The following EIF4G3 variants were observed in gnomAD, a reference collection of about 807,000 sequenced individuals.
EIF4G3 encodes eukaryotic translation initiation factor 4 gamma 3, also known as eIF-4-gamma 3.
In EIF4G3, 34 loss-of-function variants were observed where a neutral mutation model predicts 186.4. The ratio of observed to expected loss-of-function variants is 0.18; its 90% CI spans 0.14 to 0.24. EIF4G3 has a LOEUF of 0.24. Ranked by LOEUF, EIF4G3 falls within the 10% of genes least tolerant of loss-of-function variation. The pLI, the probability that EIF4G3 is intolerant of heterozygous loss-of-function variation, is 1.00. For missense variants in EIF4G3, 1,536 were observed against 1,948.5 expected (o/e 0.79, Z 3.99); for synonymous variants, 673 against 679.5 (o/e 0.99, Z 0.15).
intron 2 of EIF4G3, among the ~76,000 whole-genome samples, chr1:21,114,189 C>G (rs1283062565): frequency 6.6e-6 from 1 of 151,700 alleles, no homozygotes; most frequent in East Asian, 1.9e-4. Context: ...GCTCTGTTGC[C>G]AGGCTGGAGT....
At chr1:20,998,294 C>T (rs1237599149) in intron 6 of EIF4G3, among the ~76,000 whole-genome samples, 1 of 151,518 alleles carries the variant, frequency 6.6e-6, no homozygotes, top group East Asian at 1.9e-4. Flanking sequence ...TAATACAAGG[C>T]ATGTCAAGGC....
intron 5 of EIF4G3, among the ~76,000 whole-genome samples, chr1:21,002,321 T>C (rs2083729909): frequency 1.3e-5 from 2 of 152,238 alleles, no homozygotes; most frequent in Non-Finnish European, 2.9e-5. Context: ...CCACTGGAAT[T>C]TGAGAATTTA....
At chr1:20,965,387 T>C (rs1374671629) in intron 12 of EIF4G3, among the ~76,000 whole-genome samples, 3 of 152,220 alleles carry the variant, frequency 2.0e-5, no homozygotes, top group African/African-American at 7.2e-5. Context: ...CATCCCCATT[T>C]ACATGTGCAG....
chr1:21,087,377 C>T (rs1043737210), intron 3 of EIF4G3, among the ~76,000 whole-genome samples: 1 of 152,190 alleles, frequency 6.6e-6, no homozygotes, highest in Non-Finnish European at 1.5e-5. Context: ...AATCCCAGCA[C>T]TTTCGTAGGC....
intron 16 of EIF4G3, among the ~76,000 whole-genome samples, chr1:20,895,879 T>C (rs1270416774): frequency 6.6e-6 from 1 of 152,218 alleles, no homozygotes; most frequent in East Asian, 1.9e-4. Context: ...ATATTCCTTC[T>C]ATTTATTAAA....
At chr1:20,835,379 T>C (rs187435799) in intron 30 of EIF4G3, among the ~76,000 whole-genome samples, 124 of 151,064 alleles carry the variant, frequency 8.2e-4, no homozygotes, top group African/African-American at 2.7e-3. Context: ...ATAACAAACA[T>C]CTAAACAGAA....
At chr1:20,934,630 T>C (rs1241489125) in intron 14 of EIF4G3, among the ~76,000 whole-genome samples, 1 of 151,854 alleles carries the variant, frequency 6.6e-6, no homozygotes, top group Non-Finnish European at 1.5e-5. Flanking sequence ...AAAATAATGG[T>C]TGGGATGGAC....
chr1:21,054,379 C>G (rs1314329691), intron 3 of EIF4G3, among the ~76,000 whole-genome samples: 10 of 145,408 alleles, frequency 6.9e-5, no homozygotes, highest in African/African-American at 2.5e-4. Context: ...GACCTTTGTT[C>G]ACTTGTTTAT....
chr1:21,056,126 T>C (rs1175048280), intron 3 of EIF4G3, among the ~76,000 whole-genome samples: 1 of 152,166 alleles, frequency 6.6e-6, no homozygotes, highest in Non-Finnish European at 1.5e-5. Flanking sequence ...CAGGGGTATA[T>C]CCCTATGGTA....
At chr1:20,915,507 C>A (rs2093763485) in intron 14 of EIF4G3, among the ~76,000 whole-genome samples, 2 of 149,254 alleles carry the variant, frequency 1.3e-5, no homozygotes, top group South Asian at 2.2e-4. Context: ...TAAAATTGAA[C>A]AATACAGAAA....
Position 21,078,395 on chromosome 1 carries a change from A to G in EIF4G3, c.-196+10743T>C, listed in dbSNP as rs77482137. On this transcript the variant is annotated intron_variant, in intron 3 of 36. Transcript: ENST00000602326. ...CTTTACTCCTATGTGGGAGTTAAAAAAAAATTCATCTCATGTAGGTACAGA... is the reference window on the plus strand; with the variant it reads ...CTTTACTCCTATGTGGGAGTTAAAAGAAAATTCATCTCATGTAGGTACAGA... Among the ~76,000 whole-genome samples the G allele has an allele frequency of 6.0e-3, 921 of 152,344 alleles. 13 individuals carry two copies. Among genetic ancestry groups the G allele is most frequent in the East Asian group, 0.024 (127 of 5,194 alleles).
In EIF4G3 at chr1:20,885,100, G is replaced by A. The variant is rs142050228; in HGVS notation, c.2424+1101C>T. ...GGCTGCCACTGATCTGACAGGAGGCGGAGCTCAGGTGGTAATGCTCTTTTG... is the reference window on the plus strand; with the variant it reads ...GGCTGCCACTGATCTGACAGGAGGCAGAGCTCAGGTGGTAATGCTCTTTTG... On this transcript the variant is annotated intron_variant, in intron 19 of 36. Transcript: ENST00000602326. Among the ~76,000 whole-genome samples the A allele has an allele frequency of 3.2e-3, 488 of 152,284 alleles. 2 individuals are homozygous for A. The highest frequency in any genetic ancestry group is 6.8e-3 in the Middle Eastern group (2 of 294).
intron 4 of EIF4G3, among the ~76,000 whole-genome samples, chr1:21,045,058 T>C (rs1158312732): frequency 6.6e-6 from 1 of 152,044 alleles, no homozygotes; most frequent in Non-Finnish European, 1.5e-5. Flanking sequence ...GGGTCAAGGC[T>C]GCAGTGAGCT....
At chr1:21,059,287 T>C (rs2094753868) in intron 3 of EIF4G3, among the ~76,000 whole-genome samples, 1 of 152,178 alleles carries the variant, frequency 6.6e-6, no homozygotes, top group South Asian at 2.1e-4. Context: ...GCTTTTCTTA[T>C]GTGGGTAATT....
At chr1:20,927,404 C>T (rs1021983201) in intron 14 of EIF4G3, among the ~76,000 whole-genome samples, 1 of 152,220 alleles carries the variant, frequency 6.6e-6, no homozygotes, top group Admixed American at 6.5e-5. Flanking sequence ...CTTGAAACGA[C>T]TATTTCTACA....
intron 6 of EIF4G3, among the ~76,000 whole-genome samples, chr1:20,998,618 C>T (rs1298183032): frequency 6.6e-6 from 1 of 151,956 alleles, no homozygotes; most frequent in Non-Finnish European, 1.5e-5. Flanking sequence ...TTCACCAGGC[C>T]AAATTTGGGT....
intron 3 of EIF4G3, among the ~76,000 whole-genome samples, chr1:21,068,388 A>AAAAC (rs566163575): frequency 7.1e-6 from 1 of 141,116 alleles, no homozygotes; most frequent in East Asian, 1.9e-4. Flanking sequence ...AAAAAAAAAA[A>AAAAC]AAAAAAAAAA....
At chr1:20,860,292 T>C (rs2076046220) in intron 24 of EIF4G3, 93 bp downstream of exon 24, 6 of 1,543,758 alleles carry the variant, frequency 3.9e-6, no homozygotes, top group South Asian at 3.7e-5. Context: ...TGGGCTGTTC[T>C]TTCTGATCTC....
rs781618477 is a variant in EIF4G3, at chr1:20,892,654, T to A, written c.2253+863A>T. The A allele has an allele frequency of 4.5e-5, 69 of 1,535,924 alleles. No homozygotes were observed. In the East Asian group the frequency reaches 1.6e-3, roughly 36 times the overall value. On this transcript the variant is annotated intron_variant, in intron 18 of 36. Transcript: ENST00000602326. ...AGGCTCTTCATGGGTGGGTGTGACA[T>A]CACCAGTGGAGGGCAAGTTGGGGCT...
Sources: gnomAD v4.1 joint callset for allele counts (sites outside exome capture counted in the v4.1 genomes callset) on GRCh38, gnomAD v4.1.1 for gene constraint, MANE v1.5 for transcripts, NCBI Gene and HGNC (gene_info 2026-07-23, HGNC 2026-07-21) for gene names.